Variants in RIC1 observed in about 807,000 individuals in gnomAD.
RIC1 encodes RIC1 partner of RAB6A GEF complex.
In RIC1, 88 loss-of-function variants were observed where a neutral mutation model predicts 169.0. The ratio of observed to expected loss-of-function variants is 0.52; its 90% CI spans 0.44 to 0.62. The LOEUF is 0.62. Ranked by LOEUF, RIC1 falls within the 20% of genes least tolerant of loss-of-function variation. The pLI is 0.00. For synonymous variants in RIC1, 790 were observed against 601.5 expected (o/e 1.31, Z -4.59); for missense variants, 1,877 against 1,725.5 (o/e 1.09, Z -1.56).
chr9:5,660,575 G>A (rs1329918300), intron 2 of RIC1, among the ~76,000 whole-genome samples: 1 of 152,082 alleles, frequency 6.6e-6, no homozygotes, highest in Non-Finnish European at 1.5e-5. Flanking sequence ...TCTCATTGTG[G>A]TTTTGACTTG....
At position 5,754,845 on chromosome 9, in the gene RIC1, A is replaced by G; in HGVS notation, c.1607A>G (p.Gln536Arg). The G allele has an allele frequency of 6.4e-7, 1 of 1,557,698 alleles. No individual in the cohort carries two copies. Among genetic ancestry groups the G allele is most frequent in the Middle Eastern group, 1.8e-4 (1 of 5,482 alleles). ...TTAAAAAATTTTTATTTTAAGGAGCAAAATATGATCGTGACAGGTGGCTTA... is the reference window on the plus strand; with the variant it reads ...TTAAAAAATTTTTATTTTAAGGAGCGAAATATGATCGTGACAGGTGGCTTA... ...WKLFGNITQE[Q>R]NMIVTGGLAW... Residue 536 changes from glutamine to arginine, a missense_variant, in exon 15 of 26, where the codon CAA becomes CGA. By Grantham distance (43) the Gln-to-Arg change is conservative. Coordinates refer to ENST00000414202, the MANE Select transcript of RIC1 (RefSeq NM_020829.4).
At chr9:5,776,748 G>A (rs1188496627), downstream of RIC1, among the ~76,000 whole-genome samples, 2 of 151,904 alleles carry the variant, frequency 1.3e-5, no homozygotes, top group East Asian at 1.9e-4. Context: ...TAAAATACTG[G>A]AGGAAACAGC....
intron 6 of RIC1, among the ~76,000 whole-genome samples, chr9:5,721,798 T>C (rs914805704): frequency 9.2e-5 from 14 of 152,200 alleles, no homozygotes; most frequent in African/African-American, 2.2e-4. Context: ...TGTGTACTTA[T>C]CTCTTACTCA....
chr9:5,714,155 T>C (rs1287954372), intron 4 of RIC1, 152 bp downstream of exon 4: 2 of 465,426 alleles, frequency 4.3e-6, no homozygotes, highest in Non-Finnish European at 7.6e-6. Context: ...TATAAGACAA[T>C]GGAAGTTTTA....
At chr9:5,644,586 G>A (rs1017797897) in intron 1 of RIC1, among the ~76,000 whole-genome samples, 1 of 152,042 alleles carries the variant, frequency 6.6e-6, no homozygotes, top group Non-Finnish European at 1.5e-5. Context: ...ATGTCCATGT[G>A]GTAGTATTCC....
chr9:5,753,430 C>A, intron 13 of RIC1, 106 bp from the exon 14 acceptor site: 4 of 828,706 alleles, frequency 4.8e-6, no homozygotes, highest in Non-Finnish European at 5.8e-6. Context: ...ATTTAATTAG[C>A]AAACATTTAT....
intron 1 of RIC1, among the ~76,000 whole-genome samples, chr9:5,632,675 G>C (rs1463770372): frequency 1.3e-5 from 2 of 152,100 alleles, no homozygotes; most frequent in Non-Finnish European, 2.9e-5. Flanking sequence ...TTCTGCTAAG[G>C]TTATTGTAAA....
chr9:5,647,856 A>G (rs1344435397), intron 1 of RIC1, among the ~76,000 whole-genome samples: 1 of 148,586 alleles, frequency 6.7e-6, no homozygotes, highest in Non-Finnish European at 1.5e-5. Context: ...TCTTTTCACC[A>G]TTGAGTTTGA....
intron 1 of RIC1, among the ~76,000 whole-genome samples, chr9:5,633,538 T>C (rs1047415477): frequency 6.6e-6 from 1 of 152,206 alleles, no homozygotes; most frequent in Non-Finnish European, 1.5e-5. Context: ...TAACCATAAG[T>C]GTTCATTTTT....
rs1160042767 is a variant in RIC1, at chr9:5,686,390, A to G, written c.253-3569A>G. ...TTGAAACCAACCCAAATGTCCAACA[A>G]TGATAGACTGGATTAAGAAAATGTG... On this transcript the variant is annotated intron_variant, in intron 2 of 25. Transcript: ENST00000414202. Among the ~76,000 whole-genome samples the G allele has an allele frequency of 5.3e-5, 8 of 152,276 alleles. 1 individual carries two copies. The South Asian group carries it at 1.0e-3, about 20-fold the overall frequency.
chr9:5,659,162 T>A lies in RIC1; in HGVS notation c.252+2472T>A, dbSNP rs376982910. Among the ~76,000 whole-genome samples the A allele has an allele frequency of 7.2e-5, 11 of 152,292 alleles. No individual in the cohort carries two copies. The South Asian group carries it at 2.3e-3, about 32-fold the overall frequency. ...ACAATATGTTAAAGAACTATTCTTTTCCCATTGAACGGTCTTGGTAGTCTT... is the reference window on the plus strand; with the variant it reads ...ACAATATGTTAAAGAACTATTCTTTACCCATTGAACGGTCTTGGTAGTCTT... On this transcript the variant is annotated intron_variant, in intron 2 of 25. Coordinates refer to ENST00000414202, the MANE Select transcript of RIC1 (RefSeq NM_020829.4).
chr9:5,747,594 C>A, intron 12 of RIC1, 89 bp downstream of exon 12: 1 of 1,173,916 alleles, frequency 8.5e-7, no homozygotes. Flanking sequence ...CTGTTAACTT[C>A]AGGCAACTGA....
intron 3 of RIC1, among the ~76,000 whole-genome samples, chr9:5,693,482 A>G (rs1220072578): frequency 6.6e-6 from 1 of 152,152 alleles, no homozygotes; most frequent in Non-Finnish European, 1.5e-5. Flanking sequence ...CTCAAAGATC[A>G]TTTATTCTTT....
intron 3 of RIC1, among the ~76,000 whole-genome samples, chr9:5,711,128 C>T (rs1374299997): frequency 6.6e-6 from 1 of 152,064 alleles, no homozygotes; most frequent in African/African-American, 2.4e-5. Context: ...TTTGAAATTT[C>T]AGAACCCATC....
At chr9:5,719,669 A>T (rs1489191838) in intron 4 of RIC1, among the ~76,000 whole-genome samples, 1 of 152,172 alleles carries the variant, frequency 6.6e-6, no homozygotes, top group Non-Finnish European at 1.5e-5. Flanking sequence ...AATTTCAGTT[A>T]TTTTATTGCA....
chr9:5,759,868 T>C (rs1826224221), intron 17 of RIC1, among the ~76,000 whole-genome samples: 2 of 152,186 alleles, frequency 1.3e-5, no homozygotes, highest in Admixed American at 1.3e-4. Flanking sequence ...CATTATACTA[T>C]TCTCCATACT....
chr9:5,700,387 C>A (rs944293882), intron 3 of RIC1, among the ~76,000 whole-genome samples: 2 of 152,022 alleles, frequency 1.3e-5, no homozygotes, highest in Non-Finnish European at 2.9e-5. Context: ...AGTAAAAAAT[C>A]TGAATATTTA....
At chr9:5,732,330 G>C (rs1400278647) in intron 6 of RIC1, 58 bp from the exon 7 acceptor site, 36 of 1,285,390 alleles carry the variant, frequency 2.8e-5, no homozygotes, top group Non-Finnish European at 3.9e-5. Flanking sequence ...GAATTATATT[G>C]ACTACGGTAA....
rs546498098 is a variant in RIC1, at chr9:5,675,066, C to T, written c.253-14893C>T. Among the ~76,000 whole-genome samples the T allele has an allele frequency of 7.2e-5, 11 of 152,302 alleles. 1 individual carries two copies. The highest frequency in any genetic ancestry group is 6.2e-4 in the South Asian group (3 of 4,828). ...CCCTTACAGATGGAGCAATGGTGAGCGCACACTTGGACAAGGGAGGGGAAG... is the reference window on the plus strand; with the variant it reads ...CCCTTACAGATGGAGCAATGGTGAGTGCACACTTGGACAAGGGAGGGGAAG... On this transcript the variant is annotated intron_variant, in intron 2 of 25. Transcript: ENST00000414202.
Sources: gnomAD v4.1 joint callset for allele counts (sites outside exome capture counted in the v4.1 genomes callset) on GRCh38, gnomAD v4.1.1 for gene constraint, MANE v1.5 for transcripts, NCBI Gene and HGNC (gene_info 2026-07-23, HGNC 2026-07-21) for gene names.